NRG1: variants seen among roughly 807,000 people sequenced by gnomAD.
The protein encoded by NRG1 is neuregulin 1, also known as pro-neuregulin-1, membrane-bound isoform.
NRG1 carries 18 observed loss-of-function variants against 63.8 expected under a neutral mutation model. That is an observed-to-expected ratio of 0.28 (90% confidence interval 0.19 to 0.42). The LOEUF (loss-of-function observed/expected upper bound fraction) is 0.42, where lower values mean the gene tolerates loss of function less well. NRG1 is among the 10% of genes least tolerant of loss of function. The pLI, the probability that NRG1 is intolerant of heterozygous loss-of-function variation, is 1.00. For synonymous variants in NRG1, 302 were observed against 301.3 expected (o/e 1.00, Z -0.02); for missense variants, 762 against 814.7 (o/e 0.94, Z 0.79).
intron 1 of NRG1, among the ~76,000 whole-genome samples, chr8:32,011,498 G>A (rs1210544611): frequency 6.6e-6 from 1 of 152,114 alleles, no homozygotes; most frequent in Non-Finnish European, 1.5e-5. Context: ...CCTTTTGTCA[G>A]ACACTGGACT....
chr8:31,911,637 C>G (rs1307887762), intron 1 of NRG1, among the ~76,000 whole-genome samples: 1 of 152,170 alleles, frequency 6.6e-6, no homozygotes, highest in African/African-American at 2.4e-5. Flanking sequence ...AGGCTTAATA[C>G]ATTGGGTGAC....
intron 1 of NRG1, among the ~76,000 whole-genome samples, chr8:31,716,262 AT>A (rs1439116334): frequency 6.6e-6 from 1 of 151,978 alleles, no homozygotes; most frequent in Non-Finnish European, 1.5e-5. Flanking sequence ...TGTTTTTTGT[AT>A]TTTGTTTAGT....
intron 1 of NRG1, among the ~76,000 whole-genome samples, chr8:31,668,675 T>G (rs1806799556): frequency 6.6e-6 from 1 of 152,194 alleles, no homozygotes; most frequent in Non-Finnish European, 1.5e-5. Flanking sequence ...AACCCTAAAG[T>G]CCTTTTTATC....
intron 1 of NRG1, among the ~76,000 whole-genome samples, chr8:32,527,624 C>A (rs1269146145): frequency 6.6e-6 from 1 of 152,122 alleles, no homozygotes; most frequent in African/African-American, 2.4e-5. Flanking sequence ...CAAAACTGCA[C>A]TTGTACCTTC....
Position 31,640,259 on chromosome 8 carries a change from G to A in NRG1, c.37+828G>A. ...GAGGGAAAGGTGCACCCGCAGCGGCGGCAGCAGGGGGCACTCGACAGGAAG... is the reference window on the plus strand; with the variant it reads ...GAGGGAAAGGTGCACCCGCAGCGGCAGCAGCAGGGGGCACTCGACAGGAAG... On this transcript the variant is annotated intron_variant, in intron 1 of 10. Coordinates refer to the NRG1 transcript ENST00000519301. This position sits in a 1 kb window ranked among gnomAD's most constrained non-coding sequence, Gnocchi z 6.3. 2 of 1,141,428 alleles carry A rather than the reference G, an allele frequency of 1.8e-6. No individual in the cohort carries two copies. Among genetic ancestry groups the A allele is most frequent in the Non-Finnish European group, 2.2e-6 (2 of 929,984 alleles). The allele number at this position is 1,141,428 out of a possible 1,614,324, so 70.7% of individuals were successfully genotyped here. A position where few individuals can be genotyped will look rare whatever the true frequency, so the allele number is the denominator to read the frequency against.
intron 1 of NRG1, among the ~76,000 whole-genome samples, chr8:32,039,765 T>C (rs1464811069): frequency 6.6e-6 from 1 of 152,150 alleles, no homozygotes; most frequent in Non-Finnish European, 1.5e-5. Flanking sequence ...ATGCCTGTTA[T>C]TCCAGTGCTT....
intron 1 of NRG1, among the ~76,000 whole-genome samples, chr8:31,723,440 A>T (rs1302644892): frequency 6.6e-6 from 1 of 152,066 alleles, no homozygotes; most frequent in East Asian, 1.9e-4. Context: ...CTCACTTTTT[A>T]ACCTCTTTTC....
intron 1 of NRG1, among the ~76,000 whole-genome samples, chr8:32,003,415 AG>A (rs1436970349): frequency 6.6e-6 from 1 of 152,044 alleles, no homozygotes; most frequent in Non-Finnish European, 1.5e-5. Flanking sequence ...ACATTCATCA[AG>A]TAGACCATAT....
chr8:31,934,395 A>G (rs1347695768), intron 1 of NRG1, among the ~76,000 whole-genome samples: 2 of 148,506 alleles, frequency 1.3e-5, no homozygotes, highest in African/African-American at 5.0e-5. Context: ...CTACACACAC[A>G]TACACACACC....
intron 1 of NRG1, among the ~76,000 whole-genome samples, chr8:32,104,092 C>G (rs73232209): frequency 2.2e-4 from 33 of 152,148 alleles, no homozygotes; most frequent in Admixed American, 6.5e-5. Context: ...CTATTTTGTA[C>G]TTGTGTGAAC....
intron 1 of NRG1, among the ~76,000 whole-genome samples, chr8:32,217,746 A>C (rs1229700178): frequency 6.6e-6 from 1 of 152,140 alleles, no homozygotes; most frequent in Non-Finnish European, 1.5e-5. Context: ...TCAACTTACA[A>C]TTCTTGAAAT....
chr8:32,058,505 A>T (rs1317355877), intron 1 of NRG1, among the ~76,000 whole-genome samples: 2 of 152,238 alleles, frequency 1.3e-5, no homozygotes, highest in Middle Eastern at 3.4e-3. Context: ...AATGAGTTGT[A>T]GAAGTCTCTT....
intron 1 of NRG1, among the ~76,000 whole-genome samples, chr8:32,021,582 A>T (rs1260856923): frequency 1.3e-5 from 2 of 152,202 alleles, no homozygotes; most frequent in African/African-American, 2.4e-5. Context: ...TTTGATGAGA[A>T]CAAACCAACC....
intron 1 of NRG1, among the ~76,000 whole-genome samples, chr8:32,528,000 T>A (rs1042471926): frequency 6.6e-6 from 1 of 152,176 alleles, no homozygotes; most frequent in Non-Finnish European, 1.5e-5. Context: ...CATGTGCCGT[T>A]CCCCTTTGCA....
chr8:31,766,435 A>T (rs916181484), intron 1 of NRG1, among the ~76,000 whole-genome samples: 5 of 152,158 alleles, frequency 3.3e-5, no homozygotes, highest in African/African-American at 7.2e-5. Flanking sequence ...GGATTAAGAG[A>T]AACAGAGAAA....
At chr8:31,691,642 A>G (rs1809536731) in intron 1 of NRG1, among the ~76,000 whole-genome samples, 2 of 147,600 alleles carry the variant, frequency 1.4e-5, no homozygotes, top group Non-Finnish European at 3.0e-5. Context: ...TTTTTACTCT[A>G]TAAATATATT....
chr8:32,748,232 C>T (rs572630133), intron 7 of NRG1, among the ~76,000 whole-genome samples: 1 of 152,088 alleles, frequency 6.6e-6, no homozygotes, highest in African/African-American at 2.4e-5. Context: ...TTGTATCTCT[C>T]GAGGCAGTGA....
intron 1 of NRG1, among the ~76,000 whole-genome samples, chr8:31,757,807 A>G (rs1276194595): frequency 1.3e-5 from 2 of 152,084 alleles, no homozygotes; most frequent in East Asian, 3.9e-4. Flanking sequence ...ATTAAGTTCA[A>G]TAAATTTTGA....
chr8:31,966,105 C>CT (rs1177886016), intron 1 of NRG1, among the ~76,000 whole-genome samples: 1 of 150,686 alleles, frequency 6.6e-6, no homozygotes, highest in Admixed American at 6.6e-5. Context: ...CTCCCTGAAA[C>CT]TAAAAAAAAA....
Sources: allele counts gnomAD v4.1 joint callset (sites outside exome capture counted in the v4.1 genomes callset), GRCh38; gene constraint gnomAD v4.1.1; non-coding constraint Gnocchi (gnomAD v3.1); transcripts MANE v1.5; gene names NCBI Gene and HGNC (gene_info 2026-07-23, HGNC 2026-07-21).